NOB1: variants seen among roughly 807,000 people sequenced by gnomAD.
NOB1 encodes the protein RNA-binding protein NOB1.
A neutral mutation model predicts 44.8 loss-of-function variants in NOB1; 44 were observed. The observed-to-expected ratio is 0.98, with a 90% CI of 0.77 to 1.26. The LOEUF (loss-of-function observed/expected upper bound fraction) is 1.26, where lower values mean the gene tolerates loss of function less well. Among genes scored for constraint, NOB1 ranks in the 50% most tolerant of loss-of-function variants. The probability of loss-of-function intolerance (pLI) is 0.00; values close to 1 mark genes in which losing one functional copy is unlikely to be tolerated. For synonymous variants in NOB1, 238 were observed against 218.7 expected (o/e 1.09, Z -0.78); for missense variants, 560 against 544.8 (o/e 1.03, Z -0.28).
rs537250305 is a variant in NOB1 at position 69,754,875 on chromosome 16, C to A, written c.36G>T (p.Gly12=). The A allele has an allele frequency of 1.9e-6, 3 of 1,597,584 alleles. No homozygotes were observed. In the African/African-American group the frequency reaches 4.0e-5, roughly 21 times the overall value. ...GCAGAGCCGCATGCCGCAGGAAAGC[C>A]CCAGCATCCGCCACAACGTGCTCCA... ...APVEHVVADA[G]AFLRHAALQD... is the part of the protein sequence containing the mutation. Residue 12 remains glycine, a synonymous_variant, in exon 1 of 9, where the codon GGG becomes GGT. Coordinates refer to ENST00000268802, the MANE Select transcript of NOB1 (RefSeq NM_014062.3).
chr16:69,743,342 C>T (rs2038400796), intron 8 of NOB1, among the ~76,000 whole-genome samples: 1 of 152,164 alleles, frequency 6.6e-6, no homozygotes, highest in Non-Finnish European at 1.5e-5. Flanking sequence ...TTTCAGGCAA[C>T]TTTAGGTAAG....
At chr16:69,752,448 A>G in intron 2 of NOB1, 77 bp from the exon 3 acceptor site, 1 of 1,393,266 alleles carries the variant, frequency 7.2e-7, no homozygotes, top group Non-Finnish European at 1.0e-6. Flanking sequence ...AAGTATCAAA[A>G]CAATTTAGAA....
intron 2 of NOB1, 121 bp from the exon 3 acceptor site, chr16:69,752,492 A>G: frequency 9.8e-7 from 1 of 1,019,900 alleles, no homozygotes; most frequent in Non-Finnish European, 1.4e-6. Flanking sequence ...AAAACAATTT[A>G]GAAAGGATCA....
In NOB1 at chr16:69,752,480, T is replaced by C; in HGVS notation, c.197-109A>G. Reference sequence around the variant, plus strand: ...AGAACAGATCAAAATAATGGAAGTATCAAAACAATTTAGAAAGGATCACTA... The same window carrying C: ...AGAACAGATCAAAATAATGGAAGTACCAAAACAATTTAGAAAGGATCACTA... On this transcript the variant is annotated intron_variant, in intron 2 of 8. Coordinates refer to ENST00000268802, the MANE Select transcript of NOB1 (RefSeq NM_014062.3). 2.7e-6 allele frequency: 3 copies of C among 1,130,396 alleles called. No homozygotes were observed. In the South Asian group the frequency reaches 4.6e-5, roughly 17 times the overall value. 70.0% of individuals were successfully genotyped at this position (1,130,396 alleles called of 1,614,324 possible). A position where few individuals can be genotyped will look rare whatever the true frequency, so the allele number is the denominator to read the frequency against.
chr16:69,753,875 C>G (rs1274100889), intron 2 of NOB1, among the ~76,000 whole-genome samples: 1 of 152,090 alleles, frequency 6.6e-6, no homozygotes, highest in Non-Finnish European at 1.5e-5. Context: ...GGTACGATCT[C>G]GGCTCACTGC....
At position 69,742,120 on chromosome 16, in the gene NOB1, T is replaced by C. The variant is rs2038386293; in HGVS notation, c.*212A>G. On this transcript the variant is annotated 3_prime_UTR_variant, in exon 9 of 9. Transcript: ENST00000268802. Reference sequence around the variant, plus strand: ...TCTGTTTTTATGCAATTGCACTTCCTTGGCAGGCAGCCAGGCGCTCCGGTG... The same window carrying C: ...TCTGTTTTTATGCAATTGCACTTCCCTGGCAGGCAGCCAGGCGCTCCGGTG... The C allele has an allele frequency of 1.9e-6, 1 of 536,406 alleles. No homozygotes were observed. Among genetic ancestry groups the C allele is most frequent in the Non-Finnish European group, 3.3e-6 (1 of 306,102 alleles). 33.2% of individuals were successfully genotyped at this position (536,406 alleles called of 1,614,324 possible).
In NOB1 at chr16:69,742,256, C is replaced by T; in HGVS notation, c.*76G>A. 6.4e-7 allele frequency: 1 copy of T among 1,551,860 alleles called. No homozygotes were observed. The highest frequency in any genetic ancestry group is 8.7e-7 in the Non-Finnish European group (1 of 1,143,534). On this transcript the variant is annotated 3_prime_UTR_variant, in exon 9 of 9. Coordinates refer to ENST00000268802, the MANE Select transcript of NOB1 (RefSeq NM_014062.3). ...TTCCATCGGGTGGTCCTGGAGACGA[C>T]ACGGCTGGGGAAATGGGTCACCGGA...
intron 7 of NOB1, among the ~76,000 whole-genome samples, chr16:69,746,981 T>C (rs564414317): frequency 6.6e-6 from 1 of 151,940 alleles, no homozygotes; most frequent in East Asian, 1.9e-4. Context: ...CTCAGCACTT[T>C]GGGAGGCTGA....
At chr16:69,749,447 C>G (rs2038463675) in intron 4 of NOB1, 109 bp from the exon 5 acceptor site, 1 of 1,541,846 alleles carries the variant, frequency 6.5e-7, no homozygotes, top group Non-Finnish European at 8.9e-7. Context: ...CAGGGCTGGA[C>G]AAACTATGTT....
intron 7 of NOB1, among the ~76,000 whole-genome samples, chr16:69,745,815 T>C (rs2151753108): frequency 6.6e-6 from 1 of 152,340 alleles, no homozygotes; most frequent in South Asian, 2.1e-4. Context: ...TGAAGTCTCT[T>C]GTGAGTGAAC....
intron 3 of NOB1, 126 bp downstream of exon 3, chr16:69,752,095 CAGTGTAGATGAATACAGACT>C: frequency 3.0e-6 from 2 of 675,200 alleles, no homozygotes; most frequent in Non-Finnish European, 5.0e-6. Flanking sequence ...GGCTGTGGAT[CAGTGTAGATGAATACAGACT>C]AGCTAAGAGA....
Position 69,748,240 on chromosome 16 carries a change from G to A in NOB1, c.816C>T (p.Gly272=). ...EARSYILRCH[G]CFKTTSDMSR... ...GGGCACCAGCTACATACTTGAAACA[G>A]CCATGGCAGCGCAAGATGTAGCTCC... is the stretch of plus-strand genomic sequence containing the variant. Residue 272 remains glycine (G), a synonymous_variant, in exon 7 of 9, where the codon GGC becomes GGT. Coordinates refer to ENST00000268802, the MANE Select transcript of NOB1 (RefSeq NM_014062.3). 3.1e-6 allele frequency: 5 copies of A among 1,613,222 alleles called. No individual in the cohort carries two copies. The highest frequency in any genetic ancestry group is 4.2e-6 in the Non-Finnish European group (5 of 1,179,232).
intron 7 of NOB1, among the ~76,000 whole-genome samples, chr16:69,745,311 C>T (rs2038421390): frequency 6.6e-6 from 1 of 152,214 alleles, no homozygotes; most frequent in South Asian, 2.1e-4. Flanking sequence ...GTAGGGTTCA[C>T]ATCACTAGTC....
chr16:69,748,420 C>G (rs2038451789), intron 6 of NOB1, 91 bp from the exon 7 acceptor site: 1 of 1,218,114 alleles, frequency 8.2e-7, no homozygotes, highest in Non-Finnish European at 1.2e-6. Flanking sequence ...CCTGCCTTGC[C>G]CATATTCCTT....
intron 3 of NOB1, among the ~76,000 whole-genome samples, chr16:69,750,728 G>C (rs577392990): frequency 5.3e-5 from 8 of 152,176 alleles, no homozygotes; most frequent in African/African-American, 1.9e-4. Flanking sequence ...CTTGAGCCCA[G>C]GAGTTTGAGA....
At chr16:69,745,041 T>A in intron 7 of NOB1, 24 bp from the exon 8 acceptor site, 1 of 1,613,516 alleles carries the variant, frequency 6.2e-7, no homozygotes, top group East Asian at 2.2e-5. Flanking sequence ...AAGGAGATGA[T>A]CTGTACCAAA....
intron 7 of NOB1, among the ~76,000 whole-genome samples, chr16:69,747,993 A>G (rs1399785588): frequency 1.3e-5 from 2 of 152,154 alleles, no homozygotes; most frequent in Non-Finnish European, 2.9e-5. Flanking sequence ...CCCCGCCTCT[A>G]CTAAAAACAT....
At chr16:69,748,889 G>C in intron 6 of NOB1, 29 bp downstream of exon 6, 1 of 1,547,254 alleles carries the variant, frequency 6.5e-7, no homozygotes. Flanking sequence ...TGACGTGTGT[G>C]ACACACGGCC....
In NOB1 at chr16:69,744,971, T is replaced by G; in HGVS notation, c.871A>C (p.Lys291Gln). 1 of 1,614,148 alleles carries G rather than the reference T, an allele frequency of 6.2e-7. No individual in the cohort carries two copies. Among genetic ancestry groups the G allele is most frequent in the East Asian group, 2.2e-5 (1 of 44,880 alleles). The change falls in exon 8 of 9, where the codon AAG becomes CAG. Residue 291 changes from lysine (K) to glutamine (Q), a missense_variant. By Grantham distance (53) the Lys-to-Gln change is moderately conservative. Transcript: ENST00000268802. ...GTCACGGACACTTTCTTCAGGGTCT[T>G]GTTCCCACAGTGTGAGCAGAACACT... ...SRVFCSHCGN[K>Q]TLKKVSVTVS...
Sources: gnomAD v4.1 joint callset for allele counts (sites outside exome capture counted in the v4.1 genomes callset) on GRCh38, gnomAD v4.1.1 for gene constraint, MANE v1.5 for transcripts, NCBI Gene and HGNC (gene_info 2026-07-23, HGNC 2026-07-21) for gene names.